Variants in RRAS2 observed in about 807,000 individuals in gnomAD.
RRAS2 encodes RAS related 2, also known as ras-related protein R-Ras2.
In RRAS2, 7 loss-of-function variants were observed where a neutral mutation model predicts 27.6. The observed-to-expected ratio is 0.25, with a 90% CI of 0.14 to 0.48. The LOEUF (loss-of-function observed/expected upper bound fraction) is 0.48, where lower values mean the gene tolerates loss of function less well. Among genes scored for constraint, RRAS2 ranks in the 20% least tolerant of loss-of-function variants. The pLI is 0.99. For missense variants in RRAS2, 178 were observed against 256.2 expected (o/e 0.69, Z 2.08); for synonymous variants, 86 against 90.9 (o/e 0.95, Z 0.31).
rs1848571649 is a variant in RRAS2, at chr11:14,335,523, T to TA, written c.108+23239dup. ...TCTATTTTTTGAGCTAGCAGAGAAG[T>TA]AAAAATAGAAACAAAATCAAAACTT... On this transcript the variant is annotated intron_variant, in intron 1 of 5. Coordinates refer to ENST00000256196, the MANE Select transcript of RRAS2 (RefSeq NM_012250.6). Among the ~76,000 whole-genome samples the TA allele has an allele frequency of 2.6e-5, 4 of 152,184 alleles. No homozygotes were observed. The South Asian group carries it at 8.3e-4, about 32-fold the overall frequency.
intron 1 of RRAS2, among the ~76,000 whole-genome samples, chr11:14,351,000 T>G (rs1848939145): frequency 6.6e-6 from 1 of 152,230 alleles, no homozygotes; most frequent in African/African-American, 2.4e-5. Flanking sequence ...ATGTGTATTT[T>G]CATACTGTGG....
intron 4 of RRAS2, among the ~76,000 whole-genome samples, chr11:14,282,407 C>G (rs1233933674): frequency 6.6e-6 from 1 of 151,962 alleles, no homozygotes; most frequent in South Asian, 2.1e-4. Flanking sequence ...TTTTGGAGAT[C>G]AAGGAAAGGT....
chr11:14,315,735 A>G (rs1396771699), intron 1 of RRAS2, among the ~76,000 whole-genome samples: 1 of 151,442 alleles, frequency 6.6e-6, no homozygotes, highest in Non-Finnish European at 1.5e-5. Context: ...AAAGTCTACT[A>G]AAAAAAAACT....
intron 1 of RRAS2, among the ~76,000 whole-genome samples, chr11:14,315,745 T>A (rs1453514823): frequency 6.6e-6 from 1 of 152,140 alleles, no homozygotes; most frequent in Non-Finnish European, 1.5e-5. Flanking sequence ...AAAAAAAAAC[T>A]ACATGGCAGT....
At chr11:14,289,832 G>A (rs782514951) in intron 4 of RRAS2, among the ~76,000 whole-genome samples, 7 of 152,126 alleles carry the variant, frequency 4.6e-5, no homozygotes, top group Admixed American at 6.5e-5. Context: ...GGAGCCAGTG[G>A]TAGAAATGGC....
At chr11:14,293,149 ATATATATATATATC>A (rs1169709320) in intron 4 of RRAS2, among the ~76,000 whole-genome samples, 1 of 131,452 alleles carries the variant, frequency 7.6e-6, no homozygotes, top group African/African-American at 3.1e-5. Flanking sequence ...ATATATATAT[ATATATATATATATC>A]ATTTTCTCTT....
chr11:14,351,886 C>G (rs1329896334), intron 1 of RRAS2, among the ~76,000 whole-genome samples: 1 of 123,502 alleles, frequency 8.1e-6, no homozygotes, highest in Non-Finnish European at 1.7e-5. Flanking sequence ...CAGAGTGAGA[C>G]TCCGTCTCAA....
intron 1 of RRAS2, among the ~76,000 whole-genome samples, chr11:14,332,576 A>G (rs1258488399): frequency 6.6e-6 from 1 of 152,220 alleles, no homozygotes; most frequent in African/African-American, 2.4e-5. Flanking sequence ...CAAAATCATC[A>G]TGCCAAGCAA....
At chr11:14,306,487 C>CA (rs1259494655) in intron 1 of RRAS2, among the ~76,000 whole-genome samples, 5 of 152,226 alleles carry the variant, frequency 3.3e-5, no homozygotes, top group African/African-American at 1.2e-4. Context: ...TATTTTCTCT[C>CA]ATAGCCCCCT....
intron 1 of RRAS2, among the ~76,000 whole-genome samples, chr11:14,307,686 A>G (rs1290761042): frequency 6.6e-6 from 1 of 152,072 alleles, no homozygotes; most frequent in African/African-American, 2.4e-5. Flanking sequence ...CATAGCACAT[A>G]GCCTGCGACA....
chr11:14,298,021 A>G (rs549587600), intron 1 of RRAS2, among the ~76,000 whole-genome samples: 1 of 151,732 alleles, frequency 6.6e-6, no homozygotes, highest in African/African-American at 2.4e-5. Context: ...GTATCAAAAC[A>G]ATCATGAACT....
rs530003365 is a variant in RRAS2, at chr11:14,339,872, G to C, written c.108+18891C>G. Among the ~76,000 whole-genome samples, 13 of 152,044 alleles carry C rather than the reference G, an allele frequency of 8.6e-5. No individual in the cohort carries two copies. In the South Asian group the frequency reaches 2.7e-3, roughly 32 times the overall value. ...CTCATGCCTGTAATCCCACCACCTT[G>C]GGAGGCTGAGGTGGGCAGATGGCTT... On this transcript the variant is annotated intron_variant, in intron 1 of 5. Transcript: ENST00000256196.
At position 14,346,521 on chromosome 11, in the gene RRAS2, C is replaced by T. The variant is rs182532406; in HGVS notation, c.108+12242G>A. 6.3e-4 allele frequency among the ~76,000 whole-genome samples: 96 copies of T among 152,264 alleles called. 1 individual carries two copies. Among genetic ancestry groups the T allele is most frequent in the African/African-American group, 2.2e-3 (90 of 41,542 alleles). On this transcript the variant is annotated intron_variant, in intron 1 of 5. Transcript: ENST00000256196. ...AAGCAGGACCTCTACTGTTATAACA[C>T]AAAAATGTTGGGACCCAATAATTTT...
chr11:14,348,673 T>C (rs1227825672), intron 1 of RRAS2, among the ~76,000 whole-genome samples: 6 of 152,228 alleles, frequency 3.9e-5, no homozygotes, highest in Non-Finnish European at 8.8e-5. Flanking sequence ...CTCTTTCAAA[T>C]ATCCCCATCA....
intron 1 of RRAS2, among the ~76,000 whole-genome samples, chr11:14,352,300 AAAT>A (rs1197065964): frequency 3.3e-5 from 5 of 152,346 alleles, no homozygotes; most frequent in African/African-American, 1.2e-4. Flanking sequence ...GCTATGCAAC[AAAT>A]AATCACATGG....
intron 4 of RRAS2, among the ~76,000 whole-genome samples, chr11:14,293,114 AAACAAAACAAATATATATATATATAT>A (rs1428508688): frequency 2.2e-5 from 2 of 89,312 alleles, no homozygotes; most frequent in African/African-American, 4.4e-5. Context: ...TCTCAAAACA[AAACAAAACAAATATATATATATATAT>A]ATATATATAT....
At chr11:14,328,977 TTA>T (rs1180184941) in intron 1 of RRAS2, among the ~76,000 whole-genome samples, 88 of 142,098 alleles carry the variant, frequency 6.2e-4, no homozygotes, top group Non-Finnish European at 8.8e-4. Flanking sequence ...ACACCAAATT[TTA>T]TATATATGTG....
chr11:14,331,285 C>T (rs1216108531), intron 1 of RRAS2, among the ~76,000 whole-genome samples: 1 of 151,926 alleles, frequency 6.6e-6, no homozygotes, highest in Non-Finnish European at 1.5e-5. Context: ...TGTATAAAAC[C>T]CCTCAGTGTA....
intron 4 of RRAS2, among the ~76,000 whole-genome samples, chr11:14,284,191 ACTT>A (rs1373197436): frequency 3.3e-5 from 5 of 152,162 alleles, no homozygotes; most frequent in Non-Finnish European, 5.9e-5. Flanking sequence ...CTCTATATAT[ACTT>A]CTTTAGTAGC....
Sources: allele counts gnomAD v4.1 joint callset (sites outside exome capture counted in the v4.1 genomes callset), GRCh38; gene constraint gnomAD v4.1.1; transcripts MANE v1.5; gene names NCBI Gene and HGNC (gene_info 2026-07-23, HGNC 2026-07-21).